Variants in PSD3 observed in about 807,000 individuals in gnomAD.
PSD3 encodes the protein PH and SEC7 domain-containing protein 3.
In PSD3, 49 loss-of-function variants were observed where a neutral mutation model predicts 105.5. The ratio of observed to expected loss-of-function variants is 0.46; its 90% CI spans 0.37 to 0.59. PSD3 has a LOEUF of 0.59. Ranked by LOEUF, PSD3 falls within the 20% of genes least tolerant of loss-of-function variation. The probability of loss-of-function intolerance (pLI) is 0.00; values close to 1 mark genes in which losing one functional copy is unlikely to be tolerated. For missense variants in PSD3, 1,561 were observed against 1,263.8 expected, an observed-to-expected ratio of 1.24 and a Z score of -3.57; for synonymous variants, 557 against 457.8, an observed-to-expected ratio of 1.22 and a Z score of -2.77.
chr8:18,805,443 C>G (rs910156177), intron 4 of PSD3, among the ~76,000 whole-genome samples: 2 of 152,088 alleles, frequency 1.3e-5, no homozygotes, highest in South Asian at 2.1e-4. Context: ...TGCCCTCACT[C>G]ATATTTCATT....
intron 9 of PSD3, among the ~76,000 whole-genome samples, chr8:18,760,745 C>T (rs770900585): frequency 4.6e-5 from 7 of 152,172 alleles, no homozygotes; most frequent in Non-Finnish European, 8.8e-5. Context: ...GCTAACACTT[C>T]ACTAGTTGGT....
chr8:19,055,941 A>G (rs1392863838), intron 1 of PSD3, among the ~76,000 whole-genome samples: 1 of 152,212 alleles, frequency 6.6e-6, no homozygotes, highest in Non-Finnish European at 1.5e-5. Flanking sequence ...TTCCCAGGTT[A>G]TCTGTTCTCT....
intron 9 of PSD3, among the ~76,000 whole-genome samples, chr8:18,745,914 T>A (rs1474191844): frequency 6.8e-6 from 1 of 146,950 alleles, no homozygotes. Context: ...CTATAGTATG[T>A]TTGTTTATTT....
chr8:18,550,680 G>T (rs922531883), intron 15 of PSD3, among the ~76,000 whole-genome samples: 2 of 152,120 alleles, frequency 1.3e-5, no homozygotes, highest in African/African-American at 4.8e-5. Context: ...AATACCTCAC[G>T]TAATATACTA....
chr8:18,996,304 T>C (rs1047773228), intron 1 of PSD3, among the ~76,000 whole-genome samples: 1 of 151,942 alleles, frequency 6.6e-6, no homozygotes, highest in Non-Finnish European at 1.5e-5. Flanking sequence ...CATCAGTTAC[T>C]GAAAACATGT....
intron 2 of PSD3, among the ~76,000 whole-genome samples, chr8:18,911,142 G>A (rs540225549): frequency 6.6e-6 from 1 of 152,192 alleles, no homozygotes; most frequent in East Asian, 1.9e-4. Context: ...ATAAAAGAGG[G>A]AGTGTTTTCG....
intron 2 of PSD3, among the ~76,000 whole-genome samples, chr8:18,917,585 C>T (rs1188906286): frequency 6.6e-6 from 1 of 152,130 alleles, no homozygotes; most frequent in Non-Finnish European, 1.5e-5. Flanking sequence ...GTTACACATC[C>T]TATATGTTTC....
At chr8:19,018,164 TC>T (rs1310359199), upstream of PSD3, among the ~76,000 whole-genome samples, 1 of 152,204 alleles carries the variant, frequency 6.6e-6, no homozygotes, top group East Asian at 1.9e-4. Context: ...CAGTCTTTTC[TC>T]TAGCATGGTT....
chr8:18,813,368 G>A (rs947552764), intron 4 of PSD3, among the ~76,000 whole-genome samples: 1 of 152,156 alleles, frequency 6.6e-6, no homozygotes, highest in Non-Finnish European at 1.5e-5. Flanking sequence ...ACCAGGCAGA[G>A]CTGTCTGGTA....
At chr8:18,846,884 G>C (rs929645582) in intron 4 of PSD3, among the ~76,000 whole-genome samples, 4 of 152,028 alleles carry the variant, frequency 2.6e-5, no homozygotes, top group Non-Finnish European at 4.4e-5. Context: ...TTAAAGATGA[G>C]GTCAGCTCAG....
chr8:18,710,688 AT>A (rs965399771), intron 9 of PSD3, among the ~76,000 whole-genome samples: 33 of 148,462 alleles, frequency 2.2e-4, no homozygotes, highest in East Asian at 9.9e-4. Flanking sequence ...CCAATATTCA[AT>A]TTTTTTTTTT....
At chr8:18,958,147 A>T (rs1389718052) in intron 1 of PSD3, among the ~76,000 whole-genome samples, 1 of 152,212 alleles carries the variant, frequency 6.6e-6, no homozygotes, top group African/African-American at 2.4e-5. Context: ...AATAAAATAT[A>T]AGGTAGATAT....
At chr8:18,720,841 A>C (rs1435320196) in intron 9 of PSD3, 1 of 152,160 alleles carries the variant, frequency 6.6e-6, no homozygotes, top group Non-Finnish European at 1.5e-5. Flanking sequence ...ATTCCAAAGC[A>C]GTGATTTATT....
At chr8:18,679,574 C>T (rs1473637900) in intron 9 of PSD3, among the ~76,000 whole-genome samples, 3 of 152,188 alleles carry the variant, frequency 2.0e-5, no homozygotes, top group African/African-American at 2.4e-5. Context: ...CCACCAACCT[C>T]GGCAAGATTT....
chr8:18,573,502 T>C (rs1402833274), intron 13 of PSD3, among the ~76,000 whole-genome samples: 1 of 152,148 alleles, frequency 6.6e-6, no homozygotes, highest in African/African-American at 2.4e-5. Context: ...CAAAGATTTG[T>C]ATGTTAGTGT....
intron 4 of PSD3, among the ~76,000 whole-genome samples, chr8:18,842,386 T>C (rs1225473746): frequency 1.3e-5 from 2 of 152,222 alleles, no homozygotes; most frequent in African/African-American, 2.4e-5. Context: ...AAAAACAATT[T>C]TGGTTCTCTT....
chr8:19,056,614 G>C (rs1398912579), intron 1 of PSD3, among the ~76,000 whole-genome samples: 1 of 152,170 alleles, frequency 6.6e-6, no homozygotes, highest in Non-Finnish European at 1.5e-5. Context: ...TATTATGTCT[G>C]TGCACATTTT....
chr8:18,754,451 A>C (rs1364918936), intron 9 of PSD3, among the ~76,000 whole-genome samples: 3 of 152,124 alleles, frequency 2.0e-5, no homozygotes, highest in African/African-American at 7.2e-5. Context: ...TGTTCTATTA[A>C]ATTCATCTTA....
chr8:18,852,539 C>T (rs370643519), intron 4 of PSD3, among the ~76,000 whole-genome samples: 22 of 152,142 alleles, frequency 1.4e-4, no homozygotes, highest in African/African-American at 4.3e-4. Context: ...ACTGACATGC[C>T]CTCCACACTA....
Sources: allele counts gnomAD v4.1 joint callset (sites outside exome capture counted in the v4.1 genomes callset), GRCh38; gene constraint gnomAD v4.1.1; transcripts MANE v1.5; gene names NCBI Gene and HGNC (gene_info 2026-07-23, HGNC 2026-07-21).